CEP128: variants seen among roughly 807,000 people sequenced by gnomAD.
CEP128 encodes the protein centrosomal protein 128, also known as centrosomal protein 128kDa.
CEP128 carries 132 observed loss-of-function variants against 156.7 expected under a neutral mutation model. The ratio of observed to expected loss-of-function variants is 0.84; its 90% CI spans 0.73 to 0.97. CEP128 has a LOEUF of 0.97. CEP128 is among the 50% of genes least tolerant of loss of function. CEP128 has a pLI of 0.00. For missense variants in CEP128, 1,252 were observed against 1,281.9 expected, an observed-to-expected ratio of 0.98 and a Z score of 0.36; for synonymous variants, 469 against 448.9, an observed-to-expected ratio of 1.04 and a Z score of -0.57.
intron 19 of CEP128, among the ~76,000 whole-genome samples, chr14:80,698,019 A>C (rs976823702): frequency 6.6e-6 from 1 of 152,000 alleles, no homozygotes; most frequent in African/African-American, 2.4e-5. Context: ...TAAAATATAG[A>C]CCTTAAAGTT....
At chr14:80,916,752 GTC>G (rs1309875399) in intron 2 of CEP128, among the ~76,000 whole-genome samples, 190 bp from the exon 3 acceptor site, 1 of 152,094 alleles carries the variant, frequency 6.6e-6, no homozygotes, top group Non-Finnish European at 1.5e-5. Context: ...CTCCTCCATT[GTC>G]TCTGCTTTAA....
upstream of CEP128, among the ~76,000 whole-genome samples, chr14:80,946,119 G>A (rs1248557335): frequency 1.3e-5 from 2 of 151,996 alleles, no homozygotes; most frequent in Admixed American, 6.5e-5. Flanking sequence ...AGGTGTTTGG[G>A]GGATAAAATA....
At chr14:80,743,351 A>G (rs895219035) in intron 18 of CEP128, 84 bp from the exon 19 acceptor site, 2 of 1,146,022 alleles carry the variant, frequency 1.7e-6, no homozygotes, top group African/African-American at 3.1e-5. Flanking sequence ...AATAAGTAAC[A>G]TAATTTGAAC....
intron 21 of CEP128, among the ~76,000 whole-genome samples, chr14:80,553,537 T>C (rs1190514393): frequency 2.6e-5 from 4 of 152,230 alleles, no homozygotes; most frequent in Non-Finnish European, 4.4e-5. Context: ...CAACACCATT[T>C]TAATTTCCAT....
intron 19 of CEP128, among the ~76,000 whole-genome samples, chr14:80,583,264 A>G (rs1891663835): frequency 6.6e-6 from 1 of 152,212 alleles, no homozygotes; most frequent in Admixed American, 6.5e-5. Flanking sequence ...TAAATTTTAA[A>G]TAAATATTCT....
At chr14:80,733,320 T>C (rs61979418) in intron 19 of CEP128, among the ~76,000 whole-genome samples, 17,812 of 150,860 alleles carry the variant, frequency 0.12, 1,465 homozygotes, top group East Asian at 0.43. Context: ...GACTTCTCAG[T>C]CTTCATAACC....
At chr14:80,701,899 G>A (rs1215048145) in intron 19 of CEP128, among the ~76,000 whole-genome samples, 1 of 152,158 alleles carries the variant, frequency 6.6e-6, no homozygotes, top group Non-Finnish European at 1.5e-5. Context: ...TTGCATGGGT[G>A]CTTCTCTCTG....
chr14:80,541,629 A>T (rs1566768219), intron 21 of CEP128, among the ~76,000 whole-genome samples: 1 of 152,024 alleles, frequency 6.6e-6, no homozygotes, highest in Non-Finnish European at 1.5e-5. Flanking sequence ...AAAAAAAAAA[A>T]TCTCACAATC....
chr14:80,860,324 A>T (rs1054357821), intron 9 of CEP128, among the ~76,000 whole-genome samples: 2 of 152,306 alleles, frequency 1.3e-5, no homozygotes, highest in East Asian at 3.9e-4. Context: ...GTTCTTATCA[A>T]TAGTGATCTC....
At chr14:80,675,336 A>G (rs1323884300) in intron 19 of CEP128, among the ~76,000 whole-genome samples, 1 of 152,094 alleles carries the variant, frequency 6.6e-6, no homozygotes, top group Non-Finnish European at 1.5e-5. Context: ...GTATTACTGG[A>G]ACATACAGTA....
chr14:80,672,999 A>T (rs1198462357), intron 19 of CEP128, among the ~76,000 whole-genome samples: 1 of 152,196 alleles, frequency 6.6e-6, no homozygotes, highest in Non-Finnish European at 1.5e-5. Flanking sequence ...TCCAACGTTA[A>T]GGAAAGTACG....
At chr14:80,609,561 C>A (rs1393636198) in intron 19 of CEP128, among the ~76,000 whole-genome samples, 1 of 152,106 alleles carries the variant, frequency 6.6e-6, no homozygotes, top group Non-Finnish European at 1.5e-5. Flanking sequence ...GGGCCAAGAA[C>A]ACATTTTAGC....
At chr14:80,873,035 G>A (rs1279755238) in intron 8 of CEP128, among the ~76,000 whole-genome samples, 1 of 152,168 alleles carries the variant, frequency 6.6e-6, no homozygotes, top group Non-Finnish European at 1.5e-5. Context: ...CACAAAACAA[G>A]GTGTAACATC....
chr14:80,917,399 C>T (rs1306168933), intron 2 of CEP128, among the ~76,000 whole-genome samples: 3 of 152,112 alleles, frequency 2.0e-5, no homozygotes, highest in Non-Finnish European at 4.4e-5. Flanking sequence ...TATTGAGTAT[C>T]CCAATAATTT....
intron 2 of CEP128, among the ~76,000 whole-genome samples, chr14:80,949,074 A>T (rs920640712): frequency 8.5e-5 from 13 of 152,142 alleles, no homozygotes; most frequent in African/African-American, 3.1e-4. Context: ...CAGAGACCAG[A>T]TTTACCCTCC....
At position 80,727,927 on chromosome 14, in the gene CEP128, T is replaced by C. The variant is rs376590632; in HGVS notation, c.2806+15148A>G. Among the ~76,000 whole-genome samples, 29 of 152,296 alleles carry C rather than the reference T, an allele frequency of 1.9e-4. No individual in the cohort carries two copies. In the South Asian group the frequency reaches 5.8e-3, roughly 31 times the overall value. ...CACTGCTGGTGGGAATATCAATTAG[T>C]TCAGCCACTGTGGTAAGCAGGCAAT... On this transcript the variant is annotated intron_variant, in intron 19 of 24. Coordinates refer to ENST00000555265, the MANE Select transcript of CEP128 (RefSeq NM_152446.5).
intron 19 of CEP128, among the ~76,000 whole-genome samples, chr14:80,692,101 T>G (rs955637433): frequency 1.3e-5 from 2 of 152,282 alleles, no homozygotes; most frequent in South Asian, 4.1e-4. Context: ...GATTTGACAG[T>G]TTGCTGAAAC....
At chr14:80,824,147 G>A (rs1052695220) in intron 13 of CEP128, among the ~76,000 whole-genome samples, 2 of 152,202 alleles carry the variant, frequency 1.3e-5, no homozygotes, top group Admixed American at 6.5e-5. Context: ...TTTCAGCCAC[G>A]GCTGGAGCAG....
intron 19 of CEP128, among the ~76,000 whole-genome samples, chr14:80,660,690 T>C (rs1895362044): frequency 6.6e-6 from 1 of 152,178 alleles, no homozygotes; most frequent in African/African-American, 2.4e-5. Flanking sequence ...TCTTATAAGG[T>C]ATTGAAAGTT....
Sources: gnomAD v4.1 joint callset for allele counts (sites outside exome capture counted in the v4.1 genomes callset) on GRCh38, gnomAD v4.1.1 for gene constraint, MANE v1.5 for transcripts, NCBI Gene and HGNC (gene_info 2026-07-23, HGNC 2026-07-21) for gene names.